Variants in IQCM observed in about 807,000 individuals in gnomAD.
The protein encoded by IQCM is IQ domain-containing protein M.
IQCM carries 45 observed loss-of-function variants against 57.6 expected under a neutral mutation model. That is an observed-to-expected ratio of 0.78 (90% CI 0.62 to 1.00). The LOEUF (loss-of-function observed/expected upper bound fraction) is 1.00. IQCM is among the 50% of genes least tolerant of loss of function. The pLI, the probability that IQCM is intolerant of heterozygous loss-of-function variation, is 0.00. For missense variants in IQCM, 468 were observed against 511.6 expected, an observed-to-expected ratio of 0.91 and a Z score of 0.82; for synonymous variants, 148 against 158.9, an observed-to-expected ratio of 0.93 and a Z score of 0.51.
intron 5 of IQCM, among the ~76,000 whole-genome samples, chr4:149,711,873 T>C (rs1015376647): frequency 2.4e-4 from 36 of 152,318 alleles, no homozygotes; most frequent in African/African-American, 8.7e-4. Context: ...ATGTTATATG[T>C]CTTTGTGAAT....
At chr4:149,651,426 G>C (rs918069702) in intron 7 of IQCM, among the ~76,000 whole-genome samples, 1 of 152,086 alleles carries the variant, frequency 6.6e-6, no homozygotes, top group Non-Finnish European at 1.5e-5. Flanking sequence ...ACCTGGCTAG[G>C]AGAAATAAAG....
intron 12 of IQCM, among the ~76,000 whole-genome samples, chr4:149,467,036 T>C (rs1420594233): frequency 6.6e-6 from 1 of 152,178 alleles, no homozygotes. Context: ...TAAGTTTGCA[T>C]ATATGAATTT....
intron 7 of IQCM, among the ~76,000 whole-genome samples, chr4:149,623,026 T>C (rs192661855): frequency 1.3e-3 from 191 of 152,310 alleles, no homozygotes; most frequent in Non-Finnish European, 2.3e-3. Context: ...AAGGAGTATA[T>C]TGAACATTCC....
intron 2 of IQCM, among the ~76,000 whole-genome samples, chr4:149,770,779 C>T (rs987363197): frequency 7.9e-5 from 12 of 152,012 alleles, no homozygotes; most frequent in African/African-American, 2.4e-4. Flanking sequence ...ATTTTCTGAA[C>T]TGGATAAAGA....
intron 2 of IQCM, among the ~76,000 whole-genome samples, chr4:149,749,879 A>T (rs541168777): frequency 6.6e-6 from 1 of 152,288 alleles, no homozygotes; most frequent in South Asian, 2.1e-4. Flanking sequence ...CTGGATTGTA[A>T]GCCCCACCAG....
chr4:149,430,046 T>G, intron 13 of IQCM: 1 of 1,222,534 alleles, frequency 8.2e-7, no homozygotes. Flanking sequence ...AGAAAATAAA[T>G]AGCAGTCAGG....
intron 2 of IQCM, chr4:149,793,777 T>C (rs1164947687): frequency 6.6e-6 from 1 of 152,168 alleles, no homozygotes; most frequent in South Asian, 2.1e-4. Context: ...ATTTTATTGC[T>C]TCTAAATTTC....
In IQCM at chr4:149,403,782, GT is replaced by G. The variant is rs1314559078; in HGVS notation, c.1390+29613del. On this transcript the variant is annotated intron_variant, in intron 13 of 13. Transcript: ENST00000636793. ...AAGACATCATTTATAATGTCCCTAT[GT>G]GTGCAAATTCAATTAGAGGTAAAAT... is the stretch of plus-strand genomic sequence containing the variant. Among the ~76,000 whole-genome samples, 3 of 152,066 alleles carry G rather than the reference GT, an allele frequency of 2.0e-5. No individual in the cohort carries two copies. The East Asian group carries it at 5.8e-4, about 30-fold the overall frequency.
intron 12 of IQCM, among the ~76,000 whole-genome samples, chr4:149,450,367 C>T (rs1736978103): frequency 6.6e-6 from 1 of 151,674 alleles, no homozygotes; most frequent in African/African-American, 2.4e-5. Flanking sequence ...CAAATGGAAT[C>T]AGATCAAGTT....
chr4:149,440,770 A>T (rs1336219178), intron 12 of IQCM, among the ~76,000 whole-genome samples: 1 of 152,124 alleles, frequency 6.6e-6, no homozygotes, highest in African/African-American at 2.4e-5. Context: ...ATTAATTTTT[A>T]AAAATAAGTG....
At chr4:149,695,796 AT>A (rs1763291089) in intron 5 of IQCM, among the ~76,000 whole-genome samples, 1 of 152,046 alleles carries the variant, frequency 6.6e-6, no homozygotes, top group Non-Finnish European at 1.5e-5. Context: ...CATAGACAAG[AT>A]TTTGGGTGGC....
intron 2 of IQCM, among the ~76,000 whole-genome samples, chr4:149,771,397 G>A (rs1444846411): frequency 1.3e-5 from 2 of 151,952 alleles, no homozygotes; most frequent in African/African-American, 4.8e-5. Context: ...GTTGTGTCAC[G>A]CTTAAATGTC....
At chr4:149,557,489 T>A (rs1345220233) in intron 10 of IQCM, among the ~76,000 whole-genome samples, 2 of 152,190 alleles carry the variant, frequency 1.3e-5, no homozygotes, top group Non-Finnish European at 2.9e-5. Context: ...AATGGGGTTC[T>A]CAAAGTGGCC....
At chr4:149,430,936 A>C (rs989361855) in intron 13 of IQCM, among the ~76,000 whole-genome samples, 6 of 152,000 alleles carry the variant, frequency 3.9e-5, no homozygotes, top group African/African-American at 1.4e-4. Context: ...GCAGTAGCTC[A>C]TGCCTGTAAT....
chr4:149,705,389 G>A (rs1053866914), intron 5 of IQCM, among the ~76,000 whole-genome samples: 1 of 151,156 alleles, frequency 6.6e-6, no homozygotes, highest in Non-Finnish European at 1.5e-5. Context: ...TTTAATACCA[G>A]TAAAAAGAAA....
intron 13 of IQCM, among the ~76,000 whole-genome samples, chr4:149,418,302 C>T (rs1309618565): frequency 6.6e-6 from 1 of 151,950 alleles, no homozygotes; most frequent in South Asian, 2.1e-4. Context: ...TCAGAGAATA[C>T]TATTAACACC....
intron 12 of IQCM, among the ~76,000 whole-genome samples, chr4:149,470,546 C>T (rs562833669): frequency 1.5e-4 from 23 of 152,188 alleles, no homozygotes; most frequent in Admixed American, 6.5e-4. Flanking sequence ...ACCCCACTGT[C>T]GACATTAGAC....
chr4:149,470,449 A>T (rs1284732040), intron 12 of IQCM, among the ~76,000 whole-genome samples: 1 of 152,218 alleles, frequency 6.6e-6, no homozygotes, highest in Non-Finnish European at 1.5e-5. Context: ...TGCACCTAAT[A>T]CAGGAGCACC....
At chr4:149,676,784 T>C (rs186282913) in intron 7 of IQCM, among the ~76,000 whole-genome samples, 39 of 152,180 alleles carry the variant, frequency 2.6e-4, no homozygotes, top group Admixed American at 1.2e-3. Context: ...AATATCCTTT[T>C]CTTTTTCCTT....
Sources: allele counts gnomAD v4.1 joint callset (sites outside exome capture counted in the v4.1 genomes callset), GRCh38; gene constraint gnomAD v4.1.1; transcripts MANE v1.5; gene names NCBI Gene and HGNC (gene_info 2026-07-23, HGNC 2026-07-21).